The following ACTR3C variants were observed in gnomAD, a reference collection of about 807,000 sequenced individuals.
The protein encoded by ACTR3C is actin related protein 3C, also known as actin-related protein 3C.
ACTR3C carries 18 observed loss-of-function variants against 26.3 expected under a neutral mutation model. The ratio of observed to expected loss-of-function variants is 0.68; its 90% CI spans 0.47 to 1.01. The LOEUF is 1.01. Among genes scored for constraint, ACTR3C ranks in the 50% least tolerant of loss-of-function variants. ACTR3C has a pLI of 0.00. For synonymous variants in ACTR3C, 55 were observed against 94.5 expected (o/e 0.58, Z 2.42); for missense variants, 184 against 250.7 (o/e 0.73, Z 1.80).
the ACTR3C span, among the ~76,000 whole-genome samples, chr7:150,161,202 T>A: frequency 9.5e-4 from 98 of 102,880 alleles, no homozygotes; most frequent in African/African-American, 3.8e-3. Context: ...AGGAAAGTAT[T>A]TATATATATA....
chr7:150,206,115 C>T, the ACTR3C span, among the ~76,000 whole-genome samples: 1 of 152,172 alleles, frequency 6.6e-6, no homozygotes, highest in African/African-American at 2.4e-5. Flanking sequence ...TTTTCAGGGC[C>T]TCATGATTTC....
At chr7:150,087,565 G>C in the ACTR3C span, among the ~76,000 whole-genome samples, 2 of 152,206 alleles carry the variant, frequency 1.3e-5, no homozygotes, top group African/African-American at 2.4e-5. Flanking sequence ...TTTCCGGCCT[G>C]GGAGAGGCAG....
chr7:150,299,622 C>T (rs1280917704), intron 1 of ACTR3C, among the ~76,000 whole-genome samples: 1 of 151,844 alleles, frequency 6.6e-6, no homozygotes, highest in Admixed American at 6.6e-5. Context: ...CCCATCTCTG[C>T]TAAAAATACA....
At chr7:150,123,169 C>T in the ACTR3C span, among the ~76,000 whole-genome samples, 1 of 151,754 alleles carries the variant, frequency 6.6e-6, no homozygotes, top group Admixed American at 6.6e-5. Context: ...ACCACCATGG[C>T]ACATGTATAC....
the ACTR3C span, among the ~76,000 whole-genome samples, chr7:149,975,271 T>G: frequency 6.6e-6 from 1 of 152,098 alleles, no homozygotes; most frequent in Admixed American, 6.6e-5. Context: ...CAAGAATATT[T>G]GGAAATTAAA....
intron 6 of ACTR3C, among the ~76,000 whole-genome samples, chr7:150,275,521 G>A (rs540588611): frequency 6.6e-6 from 1 of 152,266 alleles, no homozygotes; most frequent in South Asian, 2.1e-4. Flanking sequence ...GACCAGCCTG[G>A]CCAACATGGC....
At chr7:150,076,895 TG>T in the ACTR3C span, among the ~76,000 whole-genome samples, 1 of 152,192 alleles carries the variant, frequency 6.6e-6, no homozygotes, top group Non-Finnish European at 1.5e-5. Flanking sequence ...CCAGAGGCAG[TG>T]GTTCACACCT....
At chr7:150,108,681 C>A in the ACTR3C span, among the ~76,000 whole-genome samples, 4 of 150,398 alleles carry the variant, frequency 2.7e-5, no homozygotes, top group Non-Finnish European at 4.4e-5. Flanking sequence ...CACCTTCTGC[C>A]ATGGAGGACA....
At chr7:150,125,542 G>A in the ACTR3C span, among the ~76,000 whole-genome samples, 1 of 152,158 alleles carries the variant, frequency 6.6e-6, no homozygotes, top group African/African-American at 2.4e-5. Flanking sequence ...TTTCACAGAA[G>A]ACTCCTTTCA....
the ACTR3C span, among the ~76,000 whole-genome samples, chr7:150,127,409 C>T: frequency 6.6e-6 from 1 of 152,142 alleles, no homozygotes; most frequent in Non-Finnish European, 1.5e-5. Context: ...GCCTACTTGG[C>T]TGCATTTTAC....
chr7:150,029,776 A>G, the ACTR3C span, among the ~76,000 whole-genome samples: 1 of 151,984 alleles, frequency 6.6e-6, no homozygotes, highest in Admixed American at 6.5e-5. Flanking sequence ...GGTCATTCTG[A>G]ATGGCTTTGC....
chr7:150,159,714 C>T, the ACTR3C span, among the ~76,000 whole-genome samples: 4 of 152,220 alleles, frequency 2.6e-5, no homozygotes, highest in South Asian at 6.2e-4. Context: ...TATTTTTCTA[C>T]GATGCCTTGC....
At chr7:150,090,283 G>C in the ACTR3C span, among the ~76,000 whole-genome samples, 8 of 152,236 alleles carry the variant, frequency 5.3e-5, no homozygotes, top group Non-Finnish European at 8.8e-5. Flanking sequence ...CTGGGGTGGA[G>C]AGTTTTCTGG....
At chr7:149,900,518 AT>A in the ACTR3C span, among the ~76,000 whole-genome samples, 1 of 152,138 alleles carries the variant, frequency 6.6e-6, no homozygotes, top group Non-Finnish European at 1.5e-5. Context: ...ATTAAAAAGA[AT>A]GGCTAAAGGA....
chr7:149,910,484 C>A, the ACTR3C span, among the ~76,000 whole-genome samples: 1 of 152,076 alleles, frequency 6.6e-6, no homozygotes, highest in African/African-American at 2.4e-5. Flanking sequence ...GGGAAAAAAA[C>A]CACCACTCAG....
the ACTR3C span, among the ~76,000 whole-genome samples, chr7:149,987,959 C>T: frequency 6.6e-6 from 1 of 152,176 alleles, no homozygotes; most frequent in Admixed American, 6.5e-5. Context: ...AAACTGAATA[C>T]AATTTTCTAA....
intron 1 of ACTR3C, chr7:150,323,161 G>A (rs1797733483): frequency 1.9e-5 from 4 of 209,424 alleles, no homozygotes; most frequent in South Asian, 1.2e-4. Context: ...CGGCCCCTTC[G>A]CTTCCGGCCG....
At chr7:149,967,020 C>G in the ACTR3C span, among the ~76,000 whole-genome samples, 1 of 129,638 alleles carries the variant, frequency 7.7e-6, no homozygotes, top group Admixed American at 8.6e-5. Context: ...TGTCACCATG[C>G]ACAGCTAATT....
chr7:150,135,376 A>G, the ACTR3C span, among the ~76,000 whole-genome samples: 8 of 152,254 alleles, frequency 5.3e-5, no homozygotes, highest in African/African-American at 1.9e-4. Context: ...TTGTCTGTGT[A>G]GGATATCACT....
Sources: allele counts gnomAD v4.1 joint callset (sites outside exome capture counted in the v4.1 genomes callset), GRCh38; gene constraint gnomAD v4.1.1; transcripts MANE v1.5; gene names NCBI Gene and HGNC (gene_info 2026-07-23, HGNC 2026-07-21).